Variants in IL1RAPL2 observed in about 807,000 individuals in gnomAD.
IL1RAPL2 encodes the protein interleukin 1 receptor accessory protein like 2, also known as X-linked interleukin-1 receptor accessory protein-like 2.
IL1RAPL2 carries 3 observed loss-of-function variants against 44.1 expected under a neutral mutation model. The observed-to-expected ratio is 0.07, with a 90% CI of 0.03 to 0.18. IL1RAPL2 has a LOEUF of 0.18. IL1RAPL2 is among the 10% of genes least tolerant of loss of function. The pLI is 1.00. For missense variants in IL1RAPL2, 391 were observed against 496.4 expected (o/e 0.79, Z 2.02); for synonymous variants, 181 against 178.8 (o/e 1.01, Z -0.10).
chrX:105,566,091 C>CA (rs1351997373), intron 6 of IL1RAPL2, among the ~76,000 whole-genome samples: 2 of 110,529 alleles, frequency 1.8e-5, no homozygotes, highest in African/African-American at 6.6e-5. Context: ...ATAAGGAAAA[C>CA]AAAACAAAGT....
intron 2 of IL1RAPL2, among the ~76,000 whole-genome samples, chrX:104,972,342 T>C (rs1319308582): frequency 9.0e-6 from 1 of 111,567 alleles, no homozygotes; most frequent in Non-Finnish European, 1.9e-5. Flanking sequence ...GTGCAAAAGA[T>C]AGAATCATTA....
At chrX:104,741,900 T>G (rs780948815) in intron 2 of IL1RAPL2, among the ~76,000 whole-genome samples, 11 of 111,642 alleles carry the variant, frequency 9.9e-5, no homozygotes, top group Non-Finnish European at 2.1e-4. Context: ...AAACCTGTAA[T>G]TCATGGCACT....
At chrX:105,760,848 A>C (rs774106482) in intron 10 of IL1RAPL2, among the ~76,000 whole-genome samples, 52 of 111,968 alleles carry the variant, frequency 4.6e-4, no homozygotes, top group Non-Finnish European at 8.5e-4. Context: ...AGAGGGCAGG[A>C]AAGGTTTTTG....
chrX:105,270,620 C>G (rs2034439467), intron 5 of IL1RAPL2, among the ~76,000 whole-genome samples: 1 of 111,802 alleles, frequency 8.9e-6, no homozygotes, highest in African/African-American at 3.2e-5. Context: ...AAATGTTATG[C>G]TTGATGTAGA....
At chrX:104,837,063 C>G in intron 2 of IL1RAPL2, among the ~76,000 whole-genome samples, 1 of 111,587 alleles carries the variant, frequency 9.0e-6, no homozygotes, top group South Asian at 3.8e-4. Flanking sequence ...TTATCTCATT[C>G]TTTTTTATGG....
At chrX:105,142,504 T>C (rs1310389881) in intron 2 of IL1RAPL2, among the ~76,000 whole-genome samples, 2 of 111,279 alleles carry the variant, frequency 1.8e-5, no homozygotes, top group East Asian at 5.7e-4. Context: ...TGCGGTGGTT[T>C]TTCCACCATT....
chrX:105,217,675 CAAT>C (rs2033877509), intron 3 of IL1RAPL2, among the ~76,000 whole-genome samples: 1 of 112,055 alleles, frequency 8.9e-6, no homozygotes, highest in Non-Finnish European at 1.9e-5. Flanking sequence ...GCACTATTCA[CAAT>C]AGCAAAGACT....
At chrX:105,527,436 T>TTGTGTG (rs10687485) in intron 6 of IL1RAPL2, among the ~76,000 whole-genome samples, 1,608 of 95,616 alleles carry the variant, frequency 0.017, 22 homozygotes, top group South Asian at 0.076. Flanking sequence ...TGAGAGTGTG[T>TTGTGTG]TGTGTGTGTG....
At chrX:104,632,789 C>T (rs1369656610) in intron 1 of IL1RAPL2, among the ~76,000 whole-genome samples, 1 of 108,643 alleles carries the variant, frequency 9.2e-6, no homozygotes, top group Non-Finnish European at 1.9e-5. Flanking sequence ...CATCTGCAAA[C>T]AGGGAATTTG....
At chrX:105,169,960 A>G (rs920587563) in intron 2 of IL1RAPL2, among the ~76,000 whole-genome samples, 1 of 110,203 alleles carries the variant, frequency 9.1e-6, no homozygotes, top group African/African-American at 3.3e-5. Flanking sequence ...TAGGCTTTTT[A>G]TGCTGTAGCT....
chrX:104,647,311 G>A (rs966492835), intron 1 of IL1RAPL2: 9 of 445,272 alleles, frequency 2.0e-5, no homozygotes, highest in Non-Finnish European at 2.5e-5. Context: ...CGTCCCCTGC[G>A]GTGGCCAGTG....
intron 5 of IL1RAPL2, among the ~76,000 whole-genome samples, chrX:105,448,682 A>G (rs918216971): frequency 5.4e-5 from 6 of 110,464 alleles, no homozygotes; most frequent in African/African-American, 1.6e-4. Context: ...AATAACTCTT[A>G]TATTTGCCCT....
At chrX:105,503,149 A>G (rs920775541) in intron 6 of IL1RAPL2, among the ~76,000 whole-genome samples, 10 of 111,497 alleles carry the variant, frequency 9.0e-5, no homozygotes, top group Admixed American at 1.9e-4. Flanking sequence ...TAGTACAATT[A>G]AAGCAGAGAT....
chrX:105,267,010 C>G (rs2034408293), intron 4 of IL1RAPL2, among the ~76,000 whole-genome samples: 1 of 111,760 alleles, frequency 8.9e-6, no homozygotes, highest in East Asian at 2.8e-4. Flanking sequence ...TCTTAGGACT[C>G]TTAGGAAATA....
chrX:105,287,165 A>G (rs1337307922), intron 5 of IL1RAPL2, among the ~76,000 whole-genome samples: 1 of 112,015 alleles, frequency 8.9e-6, no homozygotes, highest in East Asian at 2.8e-4. Flanking sequence ...TGTTAGGGGA[A>G]TTTGACCTAA....
intron 2 of IL1RAPL2, among the ~76,000 whole-genome samples, chrX:104,767,094 C>CT (rs1922522618): frequency 8.9e-6 from 1 of 111,957 alleles, no homozygotes; most frequent in Admixed American, 9.5e-5. Context: ...ACATTCTCCA[C>CT]TTTTTTCCTG....
At chrX:105,304,708 G>A (rs2034721690) in intron 5 of IL1RAPL2, among the ~76,000 whole-genome samples, 1 of 111,808 alleles carries the variant, frequency 8.9e-6, no homozygotes, top group African/African-American at 3.2e-5. Context: ...TGTCCAGAAC[G>A]TGACATGCAA....
chrX:104,827,943 C>T (rs372796412), intron 2 of IL1RAPL2, among the ~76,000 whole-genome samples: 12 of 111,524 alleles, frequency 1.1e-4, no homozygotes, highest in Non-Finnish European at 2.1e-4. Flanking sequence ...GTATGCTTCA[C>T]GAAGTTCTCG....
intron 2 of IL1RAPL2, among the ~76,000 whole-genome samples, chrX:104,849,304 C>T (rs1352617911): frequency 1.0e-5 from 1 of 97,936 alleles, no homozygotes; most frequent in Admixed American, 1.1e-4. Context: ...CCTGCCTCAG[C>T]CTCCCAAAGT....
Sources: gnomAD v4.1 joint callset for allele counts (sites outside exome capture counted in the v4.1 genomes callset) on GRCh38, gnomAD v4.1.1 for gene constraint, MANE v1.5 for transcripts, NCBI Gene and HGNC (gene_info 2026-07-23, HGNC 2026-07-21) for gene names.